PHACTR2: variants seen among roughly 807,000 people sequenced by gnomAD.
PHACTR2 encodes the protein phosphatase and actin regulator 2, also known as chromosome 6 open reading frame 56.
A neutral mutation model predicts 76.0 loss-of-function variants in PHACTR2; 30 were observed. The ratio of observed to expected loss-of-function variants is 0.39; its 90% CI spans 0.30 to 0.54. PHACTR2 has a LOEUF of 0.54. Ranked by LOEUF, PHACTR2 falls within the 20% of genes least tolerant of loss-of-function variation. PHACTR2 has a pLI of 0.61. For synonymous variants in PHACTR2, 292 were observed against 292.5 expected (o/e 1.00, Z 0.02); for missense variants, 696 against 781.1 (o/e 0.89, Z 1.30).
Position 143,621,327 on chromosome 6 carries a change from G to A in PHACTR2, c.13+13005G>A, listed in dbSNP as rs932717204. 6.6e-6 allele frequency among the ~76,000 whole-genome samples: 1 copy of A among 152,158 alleles called. No homozygotes were observed. Among genetic ancestry groups the A allele is most frequent in the Non-Finnish European group, 1.5e-5 (1 of 68,032 alleles). On this transcript the variant is annotated intron_variant, in intron 1 of 11. Transcript: ENST00000305766. This position sits in a 1 kb window ranked among gnomAD's most constrained non-coding sequence, Gnocchi z 4.1. ...GACAACAAAGAAAACTCAGGAGGGC[G>A]CGAATGAGTTCCTGTGGATCCCGAG...
rs935124163 is a variant in PHACTR2 at position 143,784,687 on chromosome 6, G to A, written c.1707+1407G>A. Among the ~76,000 whole-genome samples the A allele has an allele frequency of 3.3e-5, 5 of 152,130 alleles. No individual in the cohort carries two copies. Among genetic ancestry groups the A allele is most frequent in the African/African-American group, 1.2e-4 (5 of 41,430 alleles). The stretch of plus-strand genomic sequence containing the variant: ...GCTGATAAAGACACACCTGAGACTG[G>A]GAAGAAAAAGAGATTTAATTGGACT... On this transcript the variant is annotated intron_variant, in intron 10 of 12. Transcript: ENST00000440869. This position sits in a 1 kb window ranked among gnomAD's most constrained non-coding sequence, Gnocchi z 4.5.
chr6:143,747,426 T>C (rs888909564), intron 2 of PHACTR2, among the ~76,000 whole-genome samples: 4 of 152,230 alleles, frequency 2.6e-5, no homozygotes, highest in African/African-American at 7.2e-5. Flanking sequence ...CTCCTATCAG[T>C]GTCCTTGCTT....
chr6:143,658,692 G>C lies in PHACTR2; in HGVS notation c.13+50370G>C, dbSNP rs1467215661. Among the ~76,000 whole-genome samples the C allele has an allele frequency of 6.6e-6, 1 of 151,980 alleles. No individual in the cohort carries two copies. The highest frequency in any genetic ancestry group is 2.4e-5 in the African/African-American group (1 of 41,388). On this transcript the variant is annotated intron_variant, in intron 1 of 11. Coordinates refer to the PHACTR2 transcript ENST00000305766. This position sits in a 1 kb window ranked among gnomAD's most constrained non-coding sequence, Gnocchi z 4.1. Reference sequence around the variant, plus strand: ...TAAACATATATCTAAACATAGAAAAGGTATAGCAAAACTATAGTGTAAAGA... The same window carrying C: ...TAAACATATATCTAAACATAGAAAACGTATAGCAAAACTATAGTGTAAAGA...
rs1461161330 is a variant in PHACTR2, at chr6:143,648,888, GTT to G, written c.13+40568_13+40569del. 8.7e-6 allele frequency among the ~76,000 whole-genome samples: 1 copy of G among 114,730 alleles called. No homozygotes were observed. Among genetic ancestry groups the G allele is most frequent in the African/African-American group, 3.3e-5 (1 of 30,328 alleles). 75.3% of individuals were successfully genotyped at this position (114,730 alleles called of 152,430 possible). ...TGTCTATGCATATGTGTCTATGTATGTTTGTGTGTGTGTGTGTGTCTGTCTGG... is the reference window on the plus strand; with the variant it reads ...TGTCTATGCATATGTGTCTATGTATGTGTGTGTGTGTGTGTGTCTGTCTGG... On this transcript the variant is annotated intron_variant, in intron 1 of 11. Transcript: ENST00000305766. The surrounding 1 kb of genome is among the most constrained non-coding windows in gnomAD (Gnocchi z 6.7).
chr6:143,772,388 G>A lies in PHACTR2; in HGVS notation c.1363G>A (p.Asp455Asn). The A allele has an allele frequency of 1.2e-6, 2 of 1,614,168 alleles. No individual in the cohort carries two copies. The highest frequency in any genetic ancestry group is 8.5e-7 in the Non-Finnish European group (1 of 1,180,022). Residue 455 changes from aspartate to asparagine, a missense_variant, in exon 7 of 13, where the codon GAC becomes AAC. Physicochemically the swap from Asp to Asn is conservative, Grantham distance 23. Transcript: ENST00000440869. This position sits in a 1 kb window ranked among gnomAD's most constrained non-coding sequence, Gnocchi z 5.4. ...GHREYQANDSDSDGPILYTDD... is the reference protein window; with the variant it reads ...GHREYQANDSNSDGPILYTDD... Reference sequence around the variant, plus strand: ...CAGGGAATACCAAGCCAATGACTCTGACTCGGACGGGCCTATCTTGTACAC... The same window carrying A: ...CAGGGAATACCAAGCCAATGACTCTAACTCGGACGGGCCTATCTTGTACAC...
chr6:143,694,311 T>C (rs9484794), intron 1 of PHACTR2, among the ~76,000 whole-genome samples: 76,449 of 151,968 alleles, frequency 0.5, 19,354 homozygotes, highest in Middle Eastern at 0.62. Flanking sequence ...TGTGACATTA[T>C]GTTTCTGCCA....
At chr6:143,781,044 T>G (rs1300333805) in intron 9 of PHACTR2, among the ~76,000 whole-genome samples, 1 of 152,200 alleles carries the variant, frequency 6.6e-6, no homozygotes, top group Non-Finnish European at 1.5e-5. Context: ...CTTGGGATGC[T>G]GAGGCGGGAG....
At position 143,753,295 on chromosome 6, in the gene PHACTR2, A is replaced by G. The variant is rs1779225714; in HGVS notation, c.296-459A>G. On this transcript the variant is annotated intron_variant, in intron 3 of 12. Transcript: ENST00000440869. This position sits in a 1 kb window ranked among gnomAD's most constrained non-coding sequence, Gnocchi z 4.6. ...ACCAGTAGTACTTGGAAATTTTCAT[A>G]TTCTCCCACTTATTGTTTGTATGTG... is the stretch of plus-strand genomic sequence containing the variant. 6.6e-6 allele frequency among the ~76,000 whole-genome samples: 1 copy of G among 152,086 alleles called. No homozygotes were observed. Among genetic ancestry groups the G allele is most frequent in the Non-Finnish European group, 1.5e-5 (1 of 68,008 alleles).
chr6:143,790,834 C>T (rs1274444100), intron 11 of PHACTR2, among the ~76,000 whole-genome samples: 2 of 152,066 alleles, frequency 1.3e-5, no homozygotes, highest in East Asian at 3.9e-4. Flanking sequence ...CCACCACGCC[C>T]AGCTATTTTT....
chr6:143,736,864 A>C (rs549824420), intron 2 of PHACTR2, among the ~76,000 whole-genome samples: 2 of 151,448 alleles, frequency 1.3e-5, no homozygotes, highest in Non-Finnish European at 2.9e-5. Context: ...GTGAGCCAAC[A>C]CGTCCGGCCT....
At chr6:143,810,869 G>A (rs1776160471) in intron 12 of PHACTR2, among the ~76,000 whole-genome samples, 7 of 151,860 alleles carry the variant, frequency 4.6e-5, no homozygotes, top group Admixed American at 4.6e-4. Flanking sequence ...TTTTTGGGTA[G>A]TTGTTTGTCT....
intron 1 of PHACTR2, among the ~76,000 whole-genome samples, chr6:143,687,978 G>T (rs1345135227): frequency 6.6e-6 from 1 of 152,150 alleles, no homozygotes; most frequent in Non-Finnish European, 1.5e-5. Flanking sequence ...ATCCTACACA[G>T]ACCCTGCCCA....
At position 143,777,383 on chromosome 6, in the gene PHACTR2, C is replaced by A. The variant is rs563780647; in HGVS notation, c.1645C>A (p.Gln549Lys). 3 of 1,556,588 alleles carry A rather than the reference C, an allele frequency of 1.9e-6. No homozygotes were observed. Among genetic ancestry groups the A allele is most frequent in the Non-Finnish European group, 1.8e-6 (2 of 1,130,042 alleles). Residue 549 changes from glutamine (Q) to lysine (K), a missense_variant and splice_region_variant, in exon 9 of 13, where the codon CAA becomes AAA. This residue lies in a region of PHACTR2 where 236 missense variants were observed against 330.2 expected (regional missense o/e 0.71). Transcript: ENST00000440869. This position sits in a 1 kb window ranked among gnomAD's most constrained non-coding sequence, Gnocchi z 4.6. ...EELEQRNILK[Q>K]KNEEEEQEAK... ...ATTAGAGCAAAGAAACATCCTAAAACGTGAGTATTCTATACTATAGAATGA... is the reference window on the plus strand; with the variant it reads ...ATTAGAGCAAAGAAACATCCTAAAAAGTGAGTATTCTATACTATAGAATGA...
rs1781155039 is a variant in PHACTR2, at chr6:143,539,729, A to G, written c.217+2522A>G. Among the ~76,000 whole-genome samples the G allele has an allele frequency of 6.6e-6, 1 of 152,146 alleles. No individual in the cohort carries two copies. ...GGACCAGCATCTGTGGCCTCATCTC[A>G]GAATCTCAGGCCCCACCCTAGGCCT... is the stretch of plus-strand genomic sequence containing the variant. On this transcript the variant is annotated intron_variant, in intron 1 of 11. Coordinates refer to the PHACTR2 transcript ENST00000367584. The surrounding 1 kb of genome is among the most constrained non-coding windows in gnomAD (Gnocchi z 4.3).
rs1185146794 is a variant in PHACTR2, at chr6:143,800,032, C to G, written c.1846-7025C>G. Reference sequence around the variant, plus strand: ...TGGGAGTCTAAGTTTCTTTGTAAGTCTCTAAGAACTTGCTTTATGAATCTG... The same window carrying G: ...TGGGAGTCTAAGTTTCTTTGTAAGTGTCTAAGAACTTGCTTTATGAATCTG... On this transcript the variant is annotated intron_variant, in intron 11 of 12. Transcript: ENST00000440869. This position sits in a 1 kb window ranked among gnomAD's most constrained non-coding sequence, Gnocchi z 4.8. Among the ~76,000 whole-genome samples the G allele has an allele frequency of 6.6e-6, 1 of 152,138 alleles. No individual in the cohort carries two copies. Among genetic ancestry groups the G allele is most frequent in the Admixed American group, 6.5e-5 (1 of 15,276 alleles).
chr6:143,805,054 A>G (rs950945908), intron 11 of PHACTR2, among the ~76,000 whole-genome samples: 1 of 152,248 alleles, frequency 6.6e-6, no homozygotes, highest in African/African-American at 2.4e-5. Context: ...ATGAGGGCAT[A>G]GCCAAGACTA....
In PHACTR2 at chr6:143,656,460, T is replaced by A. The variant is rs1776850914; in HGVS notation, c.13+48138T>A. 1.3e-5 allele frequency among the ~76,000 whole-genome samples: 2 copies of A among 152,164 alleles called. No individual in the cohort carries two copies. Among genetic ancestry groups the A allele is most frequent in the South Asian group, 4.1e-4 (2 of 4,822 alleles). ...TAATTGCAAGAACATCTCATAGTGT[T>A]TTAAGAAAGTTTACGTATTTGTTTT... On this transcript the variant is annotated intron_variant, in intron 1 of 11. Transcript: ENST00000305766. The surrounding 1 kb of genome is among the most constrained non-coding windows in gnomAD (Gnocchi z 5.3).
rs1775956143 is a variant in PHACTR2 at position 143,801,577 on chromosome 6, T to C, written c.1846-5480T>C. Among the ~76,000 whole-genome samples the C allele has an allele frequency of 6.6e-6, 1 of 152,190 alleles. No homozygotes were observed. The highest frequency in any genetic ancestry group is 1.5e-5 in the Non-Finnish European group (1 of 68,036). On this transcript the variant is annotated intron_variant, in intron 11 of 12. Coordinates refer to ENST00000440869, the MANE Select transcript of PHACTR2 (RefSeq NM_001100164.2). This position sits in a 1 kb window ranked among gnomAD's most constrained non-coding sequence, Gnocchi z 4.6. ...TTATTTAAGCTCTTCTCTACACTGGTTATTCTAGTTAGCCATTCATCTAAC... is the reference window on the plus strand; with the variant it reads ...TTATTTAAGCTCTTCTCTACACTGGCTATTCTAGTTAGCCATTCATCTAAC...
chr6:143,808,496 A>G (rs1304701262), intron 12 of PHACTR2, among the ~76,000 whole-genome samples: 1 of 152,188 alleles, frequency 6.6e-6, no homozygotes, highest in Non-Finnish European at 1.5e-5. Flanking sequence ...GCATAAAACG[A>G]TACTGTATAA....
Sources: gnomAD v4.1 joint callset for allele counts (sites outside exome capture counted in the v4.1 genomes callset) on GRCh38, gnomAD v4.1.1 for gene constraint, gnomAD v4.1.1 regional missense constraint, Gnocchi (gnomAD v3.1) non-coding constraint, MANE v1.5 for transcripts, NCBI Gene and HGNC (gene_info 2026-07-23, HGNC 2026-07-21) for gene names.